Variants in CDH13 observed in about 807,000 individuals in gnomAD.
CDH13 encodes the protein cadherin-13.
CDH13 carries 24 observed loss-of-function variants against 63.8 expected under a neutral mutation model. That is an observed-to-expected ratio of 0.38 (90% confidence interval 0.27 to 0.53). CDH13 has a LOEUF of 0.53. CDH13 is among the 20% of genes least tolerant of loss of function. CDH13 has a pLI of 0.85. For synonymous variants in CDH13, 503 were observed against 355.3 expected (o/e 1.42, Z -4.67); for missense variants, 1,049 against 903.1 (o/e 1.16, Z -2.07).
chr16:83,053,432 T>G (rs1001585092), intron 3 of CDH13, among the ~76,000 whole-genome samples: 2 of 152,106 alleles, frequency 1.3e-5, no homozygotes, highest in Admixed American at 6.5e-5. Context: ...ATAATGCAGA[T>G]AAGATCAATT....
chr16:83,275,998 A>G (rs142594792), intron 5 of CDH13, among the ~76,000 whole-genome samples: 4 of 152,332 alleles, frequency 2.6e-5, no homozygotes, highest in African/African-American at 7.2e-5. Flanking sequence ...TTAAACAATT[A>G]TAACAGAAGG....
At chr16:82,667,545 G>A (rs759838316) in intron 1 of CDH13, among the ~76,000 whole-genome samples, 113 of 152,142 alleles carry the variant, frequency 7.4e-4, no homozygotes, top group Non-Finnish European at 1.2e-3. Flanking sequence ...CTCCTCTACC[G>A]AGTTAAGAAG....
chr16:82,663,685 G>C (rs755552450), intron 1 of CDH13, among the ~76,000 whole-genome samples: 24 of 152,104 alleles, frequency 1.6e-4, no homozygotes, highest in Non-Finnish European at 3.4e-4. Flanking sequence ...AAACTATTAA[G>C]ATCCGTATGC....
chr16:83,442,479 T>G (rs985552721), intron 6 of CDH13, among the ~76,000 whole-genome samples: 14 of 152,238 alleles, frequency 9.2e-5, no homozygotes, highest in Non-Finnish European at 1.5e-5. Flanking sequence ...TCTCCTGAAT[T>G]GCATGTCACC....
At chr16:83,665,355 A>G (rs1490760077) in intron 8 of CDH13, among the ~76,000 whole-genome samples, 1 of 152,238 alleles carries the variant, frequency 6.6e-6, no homozygotes, top group Non-Finnish European at 1.5e-5. Context: ...CCTTGCTAAC[A>G]AATACTGACT....
chr16:83,253,904 A>T (rs1354071497), intron 5 of CDH13, among the ~76,000 whole-genome samples: 1 of 152,190 alleles, frequency 6.6e-6, no homozygotes, highest in Non-Finnish European at 1.5e-5. Flanking sequence ...ACACAAATAT[A>T]CATAGGACGT....
intron 10 of CDH13, among the ~76,000 whole-genome samples, chr16:83,738,599 GT>G (rs1911759230): frequency 6.6e-6 from 1 of 152,176 alleles, no homozygotes; most frequent in Admixed American, 6.5e-5. Context: ...GTTTCAATAT[GT>G]AGTCTCTAGA....
intron 1 of CDH13, among the ~76,000 whole-genome samples, chr16:82,695,452 A>G (rs572552692): frequency 1.4e-4 from 22 of 152,236 alleles, no homozygotes; most frequent in African/African-American, 4.8e-4. Flanking sequence ...TATCTCTACC[A>G]TTCATGGCAG....
chr16:83,031,968 C>CA lies in CDH13; in HGVS notation c.158-40dup, dbSNP rs1364402628. On this transcript the variant is annotated intron_variant, in intron 2 of 13. Coordinates refer to ENST00000567109, the MANE Select transcript of CDH13 (RefSeq NM_001257.5). ...AGAGATATCTCAGAGATAAGCTGCC[C>CA]AACCTACTCATGCTCCTTCTGTTGT... 1.4e-5 allele frequency: 21 copies of CA among 1,484,004 alleles called. No individual in the cohort carries two copies. The Admixed American group carries it at 4.1e-4, about 29-fold the overall frequency. 91.9% of individuals were successfully genotyped at this position (1,484,004 alleles called of 1,614,324 possible).
chr16:82,775,059 T>C (rs374556822), intron 1 of CDH13, among the ~76,000 whole-genome samples: 32 of 151,884 alleles, frequency 2.1e-4, no homozygotes, highest in African/African-American at 7.0e-4. Context: ...GGAAGGAGAG[T>C]AGAATAGGGT....
intron 8 of CDH13, among the ~76,000 whole-genome samples, chr16:83,624,908 G>A (rs1567462939): frequency 6.6e-6 from 1 of 152,226 alleles, no homozygotes; most frequent in Admixed American, 6.5e-5. Context: ...TGATTTGCAT[G>A]TGAAAAGCTG....
chr16:82,740,901 A>G (rs1370031419), intron 1 of CDH13, among the ~76,000 whole-genome samples: 1 of 152,170 alleles, frequency 6.6e-6, no homozygotes, highest in Non-Finnish European at 1.5e-5. Context: ...ATTCGATCAC[A>G]GCTGCTTTGT....
At chr16:83,022,934 A>G (rs950293050) in intron 2 of CDH13, 3 of 152,232 alleles carry the variant, frequency 2.0e-5, no homozygotes, top group Admixed American at 6.5e-5. Flanking sequence ...TATATTTGGC[A>G]GATAAGTTTA....
At chr16:83,019,032 A>G (rs1167227151) in intron 2 of CDH13, among the ~76,000 whole-genome samples, 1 of 152,208 alleles carries the variant, frequency 6.6e-6, no homozygotes, top group Non-Finnish European at 1.5e-5. Flanking sequence ...CTTTATAAAC[A>G]CTGTACACTT....
chr16:83,308,637 G>A (rs1052933328), intron 5 of CDH13, among the ~76,000 whole-genome samples: 1 of 152,204 alleles, frequency 6.6e-6, no homozygotes, highest in Non-Finnish European at 1.5e-5. Context: ...CAGATCCATG[G>A]AAAGAACCTT....
intron 6 of CDH13, among the ~76,000 whole-genome samples, chr16:83,351,939 T>A (rs1350170180): frequency 6.6e-6 from 1 of 152,236 alleles, no homozygotes. Flanking sequence ...CAAGTTTTTG[T>A]GGTCATTTCA....
At chr16:83,697,298 C>T (rs2150902246) in intron 10 of CDH13, among the ~76,000 whole-genome samples, 1 of 152,302 alleles carries the variant, frequency 6.6e-6, no homozygotes, top group Non-Finnish European at 1.5e-5. Context: ...TCTCATAGTA[C>T]AAATAAGTGC....
intron 1 of CDH13, among the ~76,000 whole-genome samples, chr16:82,714,901 C>G (rs2032251608): frequency 7.7e-6 from 1 of 129,770 alleles, no homozygotes; most frequent in African/African-American, 2.8e-5. Flanking sequence ...CATGACTTTT[C>G]TGACACTTTG....
chr16:83,286,617 A>G (rs974641628), intron 5 of CDH13, among the ~76,000 whole-genome samples: 2 of 151,970 alleles, frequency 1.3e-5, no homozygotes, highest in Non-Finnish European at 2.9e-5. Context: ...TTAGCCAGGC[A>G]TGGCAGCATG....
Sources: allele counts gnomAD v4.1 joint callset (sites outside exome capture counted in the v4.1 genomes callset), GRCh38; gene constraint gnomAD v4.1.1; transcripts MANE v1.5; gene names NCBI Gene and HGNC (gene_info 2026-07-23, HGNC 2026-07-21).